The following WDFY3 variants were observed in gnomAD, a reference collection of about 807,000 sequenced individuals.
The protein encoded by WDFY3 is WD repeat and FYVE domain-containing protein 3.
WDFY3 carries 66 observed loss-of-function variants against 409.6 expected under a neutral mutation model. The ratio of observed to expected loss-of-function variants is 0.16; its 90% confidence interval spans 0.13 to 0.20. The LOEUF (loss-of-function observed/expected upper bound fraction) is 0.20, where lower values mean the gene tolerates loss of function less well. Ranked by LOEUF, WDFY3 falls within the 10% of genes least tolerant of loss-of-function variation. The pLI is 1.00. For missense variants in WDFY3, 3,031 were observed against 4,298.1 expected (o/e 0.71, Z 8.24); for synonymous variants, 1,521 against 1,537.1 (o/e 0.99, Z 0.25).
intron 1 of WDFY3, among the ~76,000 whole-genome samples, chr4:84,961,108 G>C (rs185267763): frequency 8.6e-5 from 13 of 151,962 alleles, no homozygotes; most frequent in African/African-American, 3.1e-4. Flanking sequence ...CCAGCTACTC[G>C]GGTGGCTGAG....
chr4:84,721,535 T>A lies in WDFY3; in HGVS notation c.7479A>T (p.Ala2493=). 1 of 1,610,404 alleles carries A rather than the reference T, an allele frequency of 6.2e-7. No individual in the cohort carries two copies. The highest frequency in any genetic ancestry group is 8.5e-7 in the Non-Finnish European group (1 of 1,179,988). Residue 2493 remains alanine, a synonymous_variant, in exon 47 of 68, where the codon GCA becomes GCT. Coordinates refer to ENST00000295888, the MANE Select transcript of WDFY3 (RefSeq NM_014991.6). Reference sequence around the variant, plus strand: ...GGTTCTCCTCATCTCCTCCATCAGGTGCAGATCGGGAGCGTTTTAGAGGAG... The same window carrying A: ...GGTTCTCCTCATCTCCTCCATCAGGAGCAGATCGGGAGCGTTTTAGAGGAG... ...VKPPLKRSRS[A]PDGGDEENQE...
chr4:84,908,144 T>G (rs1767293100), intron 2 of WDFY3, among the ~76,000 whole-genome samples: 1 of 152,130 alleles, frequency 6.6e-6, no homozygotes, highest in Admixed American at 6.5e-5. Flanking sequence ...TAGGGTAAGA[T>G]TCACATTCTA....
At chr4:84,708,392 A>C (rs1296132012) in intron 53 of WDFY3, among the ~76,000 whole-genome samples, 3 of 152,268 alleles carry the variant, frequency 2.0e-5, no homozygotes, top group Non-Finnish European at 4.4e-5. Flanking sequence ...TTATGAATTA[A>C]TAGCCAGTAC....
intron 5 of WDFY3, chr4:84,844,343 C>A: frequency 1.3e-6 from 1 of 781,918 alleles, no homozygotes; most frequent in Non-Finnish European, 1.8e-6. Flanking sequence ...AACACCCTTG[C>A]CCCCTCCAAA....
At chr4:84,943,200 C>G (rs1381609198) in intron 1 of WDFY3, among the ~76,000 whole-genome samples, 4 of 152,110 alleles carry the variant, frequency 2.6e-5, no homozygotes, top group African/African-American at 9.7e-5. Flanking sequence ...AACTAACTTT[C>G]CTGTAAGAAT....
At chr4:84,745,093 C>T (rs540297197) in intron 36 of WDFY3, among the ~76,000 whole-genome samples, 10 of 151,668 alleles carry the variant, frequency 6.6e-5, no homozygotes, top group Non-Finnish European at 1.2e-4. Flanking sequence ...CTGTAGTCTA[C>T]TGACAACAAT....
At chr4:84,695,809 A>T (rs185953353) in intron 58 of WDFY3, among the ~76,000 whole-genome samples, 161 bp downstream of exon 58, 36 of 152,318 alleles carry the variant, frequency 2.4e-4, no homozygotes, top group African/African-American at 7.0e-4. Context: ...TGTGAGAGTG[A>T]GAAAAAAGCA....
At chr4:84,873,243 C>A (rs767916661) in intron 3 of WDFY3, among the ~76,000 whole-genome samples, 4 of 152,140 alleles carry the variant, frequency 2.6e-5, no homozygotes, top group Non-Finnish European at 5.9e-5. Flanking sequence ...CTCAAATTCA[C>A]GTGAAACATT....
At chr4:84,735,154 C>A in intron 42 of WDFY3, 34 bp from the exon 43 acceptor site, 1 of 1,574,924 alleles carries the variant, frequency 6.3e-7, no homozygotes, top group Non-Finnish European at 8.6e-7. Flanking sequence ...CTTAATATTT[C>A]ATGGATTTCT....
intron 56 of WDFY3, among the ~76,000 whole-genome samples, chr4:84,697,768 TTAGA>T (rs1447708716): frequency 2.0e-5 from 3 of 152,220 alleles, no homozygotes; most frequent in Non-Finnish European, 4.4e-5. Context: ...TAGCAGTTGG[TTAGA>T]TAAATACTTG....
intron 4 of WDFY3, among the ~76,000 whole-genome samples, chr4:84,850,968 T>TTTTTTTTTTTTTTTTTTTTTTTTTTC (rs1758919416): frequency 8.7e-6 from 1 of 114,484 alleles, no homozygotes; most frequent in Non-Finnish European, 1.9e-5. Flanking sequence ...TTTTTTTTTT[T>TTTTTTTTTTTTTTTTTTTTTTTTTTC]TGAGAACTGG....
rs758964438 is a variant in WDFY3 at position 84,796,694 on chromosome 4, T to C, written c.2994A>G (p.Glu998=). The C allele has an allele frequency of 5.6e-6, 9 of 1,614,146 alleles. No homozygotes were observed. Among genetic ancestry groups the C allele is most frequent in the Non-Finnish European group, 5.9e-6 (7 of 1,180,002 alleles). Residue 998 remains glutamate (E), a synonymous_variant, in exon 19 of 68, where the codon GAA becomes GAG. Coordinates refer to ENST00000295888, the MANE Select transcript of WDFY3 (RefSeq NM_014991.6). ...TCTTGCTTATCCGGTAATGGTTATC[T>C]TCATGTAAGCTAAAAACATTATCAG... The part of the protein sequence containing the change: ...LGTDNVFSLH[E]DNHYRISKSL...
intron 1 of WDFY3, among the ~76,000 whole-genome samples, chr4:84,964,511 A>T (rs1775373346): frequency 6.6e-6 from 1 of 152,234 alleles, no homozygotes; most frequent in African/African-American, 2.4e-5. Flanking sequence ...AACTGATGTA[A>T]ACTTTTAAAA....
chr4:84,777,821 A>G (rs563813677), intron 27 of WDFY3, among the ~76,000 whole-genome samples: 1 of 152,288 alleles, frequency 6.6e-6, no homozygotes, highest in African/African-American at 2.4e-5. Context: ...TCACAGGGAT[A>G]TATTACATAA....
chr4:84,780,814 G>GA (rs1242348783), intron 25 of WDFY3, among the ~76,000 whole-genome samples: 1 of 151,516 alleles, frequency 6.6e-6, no homozygotes, highest in Non-Finnish European at 1.5e-5. Context: ...CTTTGAAAAG[G>GA]AAAAAAAGCT....
chr4:84,706,651 C>T (rs1045990338), intron 53 of WDFY3, among the ~76,000 whole-genome samples: 6 of 151,782 alleles, frequency 4.0e-5, no homozygotes, highest in African/African-American at 1.2e-4. Flanking sequence ...TCCCCATCAC[C>T]GGGCTGGTAC....
chr4:84,808,220 C>CA, intron 15 of WDFY3, 114 bp downstream of exon 15: 15 of 917,712 alleles, frequency 1.6e-5, no homozygotes, highest in Middle Eastern at 3.3e-4. Context: ...CAAAACAAAA[C>CA]AAAACAAAAA....
chr4:84,800,274 C>T (rs1347636492), intron 17 of WDFY3, among the ~76,000 whole-genome samples: 3 of 152,034 alleles, frequency 2.0e-5, no homozygotes, highest in Non-Finnish European at 2.9e-5. Flanking sequence ...AAGAAAGCTC[C>T]TAAAAGTTTT....
intron 25 of WDFY3, among the ~76,000 whole-genome samples, chr4:84,782,738 T>C (rs1746776372): frequency 6.6e-6 from 1 of 152,248 alleles, no homozygotes; most frequent in African/African-American, 2.4e-5. Context: ...GGCTGTATAG[T>C]ATTCCTTGGT....
Sources: allele counts gnomAD v4.1 joint callset (sites outside exome capture counted in the v4.1 genomes callset), GRCh38; gene constraint gnomAD v4.1.1; transcripts MANE v1.5; gene names NCBI Gene and HGNC (gene_info 2026-07-23, HGNC 2026-07-21).